CUEDC1: variants seen among roughly 807,000 people sequenced by gnomAD.
CUEDC1 encodes CUE domain-containing protein 1.
A neutral mutation model predicts 43.7 loss-of-function variants in CUEDC1; 30 were observed. The observed-to-expected ratio is 0.69, with a 90% CI of 0.51 to 0.93. CUEDC1 has a LOEUF of 0.93. CUEDC1 is among the 40% of genes least tolerant of loss of function. CUEDC1 has a pLI of 0.00. For synonymous variants in CUEDC1, 223 were observed against 223.6 expected (o/e 1.00, Z 0.02); for missense variants, 486 against 549.0 (o/e 0.89, Z 1.15).
intron 1 of CUEDC1, among the ~76,000 whole-genome samples, chr17:57,938,189 C>T (rs1258685495): frequency 6.6e-6 from 1 of 152,170 alleles, no homozygotes; most frequent in African/African-American, 2.4e-5. Flanking sequence ...GGTCTAGGGA[C>T]CAAAGTGCCA....
At chr17:57,877,366 T>TTTGGGAG (rs2144942970) in intron 3 of CUEDC1, among the ~76,000 whole-genome samples, 1 of 152,268 alleles carries the variant, frequency 6.6e-6, no homozygotes, top group African/African-American at 2.4e-5. Context: ...CGTGACGGTA[T>TTTGGGAG]GCCCTGTAGT....
At chr17:57,884,198 T>TC (rs2074255061) in intron 2 of CUEDC1, among the ~76,000 whole-genome samples, 2 of 138,962 alleles carry the variant, frequency 1.4e-5, no homozygotes, top group Admixed American at 7.2e-5. Flanking sequence ...TTTTCTTTTT[T>TC]TTTTTTTTTT....
rs1410011757 is a variant in CUEDC1 at position 57,955,150 on chromosome 17, C to A, written c.-316+75G>T. 6.8e-6 allele frequency: 1 copy of A among 146,806 alleles called. No individual in the cohort carries two copies. The highest frequency in any genetic ancestry group is 2.5e-5 in the African/African-American group (1 of 40,628). The allele number at this position is 146,806 out of a possible 1,614,324, so 9.1% of individuals were successfully genotyped here. ...GGGGCCGCTGGGCCGGGGCCGCGGC[C>A]GGGATTGCGCGCGGGGCGCCGGCGA... On this transcript the variant is annotated intron_variant, in intron 1 of 10. Coordinates refer to ENST00000577830, the MANE Select transcript of CUEDC1 (RefSeq NM_001271875.2). The surrounding 1 kb of genome is among the most constrained non-coding windows in gnomAD (Gnocchi z 5.3).
chr17:57,873,495 A>C, intron 4 of CUEDC1, 96 bp downstream of exon 4: 1 of 1,370,452 alleles, frequency 7.3e-7, no homozygotes. Flanking sequence ...CTGGGTTTAA[A>C]CATCAGGAAG....
intron 2 of CUEDC1, among the ~76,000 whole-genome samples, chr17:57,884,590 C>T (rs1029217073): frequency 6.6e-6 from 1 of 152,196 alleles, no homozygotes; most frequent in African/African-American, 2.4e-5. Flanking sequence ...CTGCCAGTTC[C>T]CTAGCCAGTG....
At position 57,871,458 on chromosome 17, in the gene CUEDC1, G is replaced by A. The variant is rs1233056242; in HGVS notation, c.785-89C>T. 1.1e-5 allele frequency: 11 copies of A among 1,047,608 alleles called. No homozygotes were observed. In the Admixed American group the frequency reaches 2.0e-4, roughly 19 times the overall value. 64.9% of individuals were successfully genotyped at this position (1,047,608 alleles called of 1,614,324 possible). A position where few individuals can be genotyped will look rare whatever the true frequency, so the allele number is the denominator to read the frequency against. Reference sequence around the variant, plus strand: ...GCTGGGACACGGTAGTTTGCTAGAGGCTAAGTCCCCAGAATCACACATGAG... The same window carrying A: ...GCTGGGACACGGTAGTTTGCTAGAGACTAAGTCCCCAGAATCACACATGAG... On this transcript the variant is annotated intron_variant, in intron 5 of 10. Transcript: ENST00000577830.
chr17:57,942,616 T>C (rs2074926718), intron 1 of CUEDC1, among the ~76,000 whole-genome samples: 1 of 152,030 alleles, frequency 6.6e-6, no homozygotes, highest in Admixed American at 6.5e-5. Flanking sequence ...CTTGAACTCC[T>C]GACCTCAGGT....
chr17:57,904,902 C>T (rs1481920496), intron 1 of CUEDC1, among the ~76,000 whole-genome samples: 2 of 152,174 alleles, frequency 1.3e-5, no homozygotes, highest in Non-Finnish European at 2.9e-5. Flanking sequence ...GGGTCCAACT[C>T]ATCCCCCTAC....
intron 1 of CUEDC1, among the ~76,000 whole-genome samples, chr17:57,907,839 C>CA (rs869267040): frequency 0.11 from 9,204 of 83,748 alleles, 376 homozygotes; most frequent in Admixed American, 0.17. Context: ...GAGTGAGACT[C>CA]AAAAAAAAAA....
intron 1 of CUEDC1, among the ~76,000 whole-genome samples, chr17:57,915,460 C>A (rs1482207141): frequency 6.6e-6 from 1 of 151,960 alleles, no homozygotes; most frequent in Non-Finnish European, 1.5e-5. Flanking sequence ...GCATAGCGTT[C>A]AGATATTAAA....
Position 57,930,022 on chromosome 17 carries a change from C to T in CUEDC1, c.-316+25203G>A, listed in dbSNP as rs1029407180. Among the ~76,000 whole-genome samples the T allele has an allele frequency of 9.2e-5, 14 of 152,130 alleles. No homozygotes were observed. Among genetic ancestry groups the T allele is most frequent in the Admixed American group, 3.3e-4 (5 of 15,266 alleles). The stretch of plus-strand genomic sequence containing the variant: ...TTCACCATGTTTGTCGGGCTGGTAT[C>T]GAACTCCTGCCCTCAGGTGATCCAC... On this transcript the variant is annotated intron_variant, in intron 1 of 10. Transcript: ENST00000577830. The surrounding 1 kb of genome is among the most constrained non-coding windows in gnomAD (Gnocchi z 4.2).
chr17:57,892,328 G>A (rs1002733571), intron 1 of CUEDC1, among the ~76,000 whole-genome samples: 1 of 152,300 alleles, frequency 6.6e-6, no homozygotes, highest in East Asian at 1.9e-4. Flanking sequence ...GGGGCAGGAG[G>A]CTAACCCCCT....
chr17:57,900,910 T>C (rs897076606), intron 1 of CUEDC1, among the ~76,000 whole-genome samples: 1 of 152,260 alleles, frequency 6.6e-6, no homozygotes, highest in Admixed American at 6.5e-5. Context: ...TTCTTTGCAC[T>C]ATAGCAGGTG....
Position 57,882,098 on chromosome 17 carries a change from G to A in CUEDC1, c.337-2360C>T, listed in dbSNP as rs115827008. On this transcript the variant is annotated intron_variant, in intron 2 of 10. Transcript: ENST00000577830. ...GCCTGCCAGGTGCTCCAGGGGGCAG[G>A]GTCTAGGCCATTTATCTGACAGGAG... 5.6e-3 allele frequency among the ~76,000 whole-genome samples: 859 copies of A among 152,296 alleles called. 8 individuals carry two copies. The highest frequency in any genetic ancestry group is 0.02 in the African/African-American group (824 of 41,550).
chr17:57,885,729 G>A lies in CUEDC1; in HGVS notation c.-165C>T, dbSNP rs2074281994. ...AGCAATGGGCTGCCAAGAGCTCCGG[G>A]TTAGGAGAGTACGGGCGCGGGGCCC... On this transcript the variant is annotated 5_prime_UTR_variant, in exon 2 of 11. Transcript: ENST00000577830. The A allele has an allele frequency of 8.5e-7, 1 of 1,172,844 alleles. No individual in the cohort carries two copies. 72.7% of individuals were successfully genotyped at this position (1,172,844 alleles called of 1,614,324 possible).
At chr17:57,915,170 A>G (rs2074625542) in intron 1 of CUEDC1, 1 of 151,978 alleles carries the variant, frequency 6.6e-6, no homozygotes, top group African/African-American at 2.4e-5. Flanking sequence ...TTAAAGACAG[A>G]ATAAAATAAA....
In CUEDC1 at chr17:57,866,558, G is replaced by A. The variant is rs754595624; in HGVS notation, c.1094-14C>T. 1.2e-6 allele frequency: 2 copies of A among 1,614,072 alleles called. No homozygotes were observed. The highest frequency in any genetic ancestry group is 2.2e-5 in the South Asian group (2 of 91,090). On this transcript the variant is annotated splice_polypyrimidine_tract_variant and intron_variant, in intron 9 of 10. Coordinates refer to ENST00000577830, the MANE Select transcript of CUEDC1 (RefSeq NM_001271875.2). ...GGAAGTCTTCATCTGAAAAGGAGAG[G>A]GAAGCTGCCTCATCCTCTACCCTGC...
rs576448115 is a variant in CUEDC1, at chr17:57,883,809, A to T, written c.336+1420T>A. Among the ~76,000 whole-genome samples the T allele has an allele frequency of 2.6e-5, 4 of 152,294 alleles. No homozygotes were observed. The South Asian group carries it at 8.3e-4, about 32-fold the overall frequency. Reference sequence around the variant, plus strand: ...GCCTGGCACGGGTCGGGACTCAATAAAGAGTGGAGTTAAATCCTGCTGGGT... The same window carrying T: ...GCCTGGCACGGGTCGGGACTCAATATAGAGTGGAGTTAAATCCTGCTGGGT... On this transcript the variant is annotated intron_variant, in intron 2 of 10. Coordinates refer to ENST00000577830, the MANE Select transcript of CUEDC1 (RefSeq NM_001271875.2).
intron 1 of CUEDC1, among the ~76,000 whole-genome samples, chr17:57,951,550 C>G (rs1010779147): frequency 1.2e-4 from 19 of 152,084 alleles, no homozygotes. Flanking sequence ...CCTCCGCCTC[C>G]CGAGTTCAAA....
Sources: gnomAD v4.1 joint callset for allele counts (sites outside exome capture counted in the v4.1 genomes callset) on GRCh38, gnomAD v4.1.1 for gene constraint, Gnocchi (gnomAD v3.1) non-coding constraint, MANE v1.5 for transcripts, NCBI Gene and HGNC (gene_info 2026-07-23, HGNC 2026-07-21) for gene names.